The following DOCK11 variants were observed in gnomAD, a reference collection of about 807,000 sequenced individuals.
DOCK11 encodes dedicator of cytokinesis 11.
A neutral mutation model predicts 169.1 loss-of-function variants in DOCK11; 70 were observed. The ratio of observed to expected loss-of-function variants is 0.41; its 90% CI spans 0.34 to 0.51. DOCK11 has a LOEUF of 0.51. Ranked by LOEUF, DOCK11 falls within the 20% of genes least tolerant of loss-of-function variation. The probability of loss-of-function intolerance (pLI) is 0.10; values close to 1 mark genes in which losing one functional copy is unlikely to be tolerated. For missense variants in DOCK11, 1,166 were observed against 1,538.8 expected, an observed-to-expected ratio of 0.76 and a Z score of 4.05; for synonymous variants, 529 against 541.3, an observed-to-expected ratio of 0.98 and a Z score of 0.32.
intron 6 of DOCK11, among the ~76,000 whole-genome samples, chrX:118,546,320 T>A (rs958496032): frequency 9.1e-6 from 1 of 109,331 alleles, no homozygotes; most frequent in Non-Finnish European, 1.9e-5. Flanking sequence ...ACATATAATG[T>A]AATGATTATC....
Position 118,685,703 on chromosome X carries a change from A to T in DOCK11, c.6118A>T (p.Thr2040Ser). The T allele has an allele frequency of 8.3e-7, 1 of 1,210,668 alleles. No homozygotes were observed. The highest frequency in any genetic ancestry group is 1.1e-6 in the Non-Finnish European group (1 of 894,795). The stretch of plus-strand genomic sequence containing the variant: ...TCTGTTTTAGATATTACAAGAAGAC[A>T]CAATGCATTCTCCCTGGATGAGCAA... Reference protein sequence around the residue: ...IIHEQILQEDTMHSPWMSNTL... With the variant: ...IIHEQILQEDSMHSPWMSNTL... Residue 2040 changes from threonine (T) to serine (S), a missense_variant, in exon 53 of 53, where the codon ACA (threonine) becomes TCA (serine). Transcript: ENST00000276202.
rs1234422504 is a variant in DOCK11 at position 118,590,260 on chromosome X, T to C, written c.2097T>C (p.Ala699=). The part of the protein sequence containing the change: ...AGSVFTTNAY[A]VVSHHNQNPE... ...CTGTTTTTACCACAAATGCTTATGCTGTTGTCTCGCATCACAACCAAAATC... is the reference window on the plus strand; with the variant it reads ...CTGTTTTTACCACAAATGCTTATGCCGTTGTCTCGCATCACAACCAAAATC... Residue 699 remains alanine (A), a synonymous_variant, in exon 19 of 53, where the codon GCT becomes GCC. Coordinates refer to ENST00000276202, the MANE Select transcript of DOCK11 (RefSeq NM_144658.4). 1 of 1,209,714 alleles carries C rather than the reference T, an allele frequency of 8.3e-7. No individual in the cohort carries two copies. Among genetic ancestry groups the C allele is most frequent in the East Asian group, 3.0e-5 (1 of 33,770 alleles).
chrX:118,531,492 G>A (rs1603035839), intron 1 of DOCK11, among the ~76,000 whole-genome samples: 1 of 92,301 alleles, frequency 1.1e-5, no homozygotes, highest in Admixed American at 1.3e-4. Flanking sequence ...TACTTTTCTT[G>A]ACAGCCTTTG....
intron 31 of DOCK11, among the ~76,000 whole-genome samples, chrX:118,619,497 A>G (rs200382358): frequency 1.1e-5 from 1 of 90,854 alleles, no homozygotes; most frequent in Non-Finnish European, 2.1e-5. Flanking sequence ...AAAAAAAAAA[A>G]ATATATATAT....
intron 1 of DOCK11, among the ~76,000 whole-genome samples, chrX:118,509,207 A>G (rs1020293186): frequency 3.6e-5 from 4 of 109,768 alleles, no homozygotes; most frequent in African/African-American, 6.6e-5. Context: ...GGGGTGCCTT[A>G]CCCTCACCAG....
intron 45 of DOCK11, among the ~76,000 whole-genome samples, chrX:118,665,520 CT>C (rs2016319474): frequency 8.9e-6 from 1 of 112,025 alleles, no homozygotes; most frequent in Admixed American, 9.5e-5. Flanking sequence ...GAGCTTGACC[CT>C]TTTTTATACT....
At chrX:118,511,674 G>C (rs2057651531) in intron 1 of DOCK11, among the ~76,000 whole-genome samples, 1 of 111,310 alleles carries the variant, frequency 9.0e-6, no homozygotes, top group South Asian at 3.8e-4. Context: ...TGACAGAGTT[G>C]ACGCCTGGGA....
chrX:118,645,035 T>C (rs188679255), intron 40 of DOCK11, among the ~76,000 whole-genome samples: 1 of 111,898 alleles, frequency 8.9e-6, no homozygotes, highest in Non-Finnish European at 1.9e-5. Context: ...ATGAGACATG[T>C]TGAAAAAGGA....
rs1241621722 is a variant in DOCK11, at chrX:118,573,919, C to G, written c.1290C>G (p.Gly430=). 2 of 1,211,647 alleles carry G rather than the reference C, an allele frequency of 1.7e-6. No individual in the cohort carries two copies. The highest frequency in any genetic ancestry group is 1.7e-5 in the African/African-American group (1 of 57,794). Residue 430 remains glycine, a synonymous_variant, in exon 12 of 53, where the codon GGC becomes GGG. Transcript: ENST00000276202. ...NPPSVREMLW[G]SSTQLASDGS... is the part of the protein sequence containing the mutation. ...CATCTGTCCGTGAAATGCTGTGGGG[C>G]TCTTCAACCCAACTGGCCAGTGACG... is the stretch of plus-strand genomic sequence containing the variant.
chrX:118,681,486 C>G (rs2016742905), intron 50 of DOCK11, among the ~76,000 whole-genome samples: 1 of 112,575 alleles, frequency 8.9e-6, no homozygotes, highest in African/African-American at 3.2e-5. Context: ...ATGTACATAT[C>G]AGAAATCACT....
chrX:118,516,390 C>T (rs1358155778), intron 1 of DOCK11, among the ~76,000 whole-genome samples: 2 of 91,830 alleles, frequency 2.2e-5, no homozygotes, highest in Non-Finnish European at 4.1e-5. Context: ...CCACTGCACC[C>T]GGCCTCCTCC....
intron 46 of DOCK11, among the ~76,000 whole-genome samples, chrX:118,675,122 C>T (rs1158661361): frequency 8.9e-6 from 1 of 112,249 alleles, no homozygotes; most frequent in Non-Finnish European, 1.9e-5. Flanking sequence ...TTCTGTAGCT[C>T]GTCTTTCACA....
intron 34 of DOCK11, among the ~76,000 whole-genome samples, chrX:118,629,648 A>T (rs1203740234): frequency 2.7e-5 from 3 of 109,209 alleles, no homozygotes; most frequent in Admixed American, 9.9e-5. Flanking sequence ...CCCATTTTTT[A>T]ATTTATTTAT....
chrX:118,679,593 GC>G (rs939925250), intron 48 of DOCK11, among the ~76,000 whole-genome samples: 12 of 110,654 alleles, frequency 1.1e-4, no homozygotes, highest in African/African-American at 3.3e-4. Flanking sequence ...TTAAAAATTA[GC>G]CAGGTATGGT....
At chrX:118,530,782 A>C (rs1231921936) in intron 1 of DOCK11, among the ~76,000 whole-genome samples, 3 of 111,618 alleles carry the variant, frequency 2.7e-5, no homozygotes, top group African/African-American at 9.8e-5. Flanking sequence ...TGATTTAGGG[A>C]TCTCTCTCTC....
chrX:118,657,337 T>TA lies in DOCK11; in HGVS notation c.4969+2384dup, dbSNP rs200463685. 6.4e-3 allele frequency among the ~76,000 whole-genome samples: 715 copies of TA among 111,634 alleles called. 2 individuals carry two copies. In the Middle Eastern group the frequency reaches 0.065, roughly 10 times the overall value. On this transcript the variant is annotated intron_variant, in intron 44 of 52. Transcript: ENST00000276202. ...GAGGAGAAAATGTTGTTTTGAATGT[T>TA]AAAAAAAATGATGTTTAAGAGAATT...
At chrX:118,575,001 A>T (rs1437821994) in intron 12 of DOCK11, among the ~76,000 whole-genome samples, 4 of 112,160 alleles carry the variant, frequency 3.6e-5, no homozygotes, top group Non-Finnish European at 7.5e-5. Context: ...TTAAAAGTAG[A>T]AAGAGGCATA....
At chrX:118,625,446 A>T (rs2015079874) in intron 32 of DOCK11, among the ~76,000 whole-genome samples, 1 of 111,568 alleles carries the variant, frequency 9.0e-6, no homozygotes, top group African/African-American at 3.3e-5. Context: ...GTGAGGCACC[A>T]CACCTAGCCA....
At chrX:118,671,838 C>A (rs1028841957) in intron 46 of DOCK11, among the ~76,000 whole-genome samples, 5 of 112,048 alleles carry the variant, frequency 4.5e-5, no homozygotes, top group African/African-American at 1.6e-4. Flanking sequence ...CACCACCACG[C>A]CCCGCTATCT....
Sources: gnomAD v4.1 joint callset for allele counts (sites outside exome capture counted in the v4.1 genomes callset) on GRCh38, gnomAD v4.1.1 for gene constraint, MANE v1.5 for transcripts, NCBI Gene and HGNC (gene_info 2026-07-23, HGNC 2026-07-21) for gene names.